Variants in MYO5C observed in about 807,000 individuals in gnomAD.
MYO5C encodes the protein myosin VC, also known as unconventional myosin-Vc.
Under a neutral mutation model 235.7 loss-of-function variants are expected in MYO5C, and 194 were observed. The ratio of observed to expected loss-of-function variants is 0.82; its 90% CI spans 0.73 to 0.93. MYO5C has a LOEUF of 0.93. Among genes scored for constraint, MYO5C ranks in the 40% least tolerant of loss-of-function variants. The pLI is 0.00. For missense variants in MYO5C, 2,038 were observed against 2,127.2 expected (o/e 0.96, Z 0.82); for synonymous variants, 707 against 754.8 (o/e 0.94, Z 1.04).
At chr15:52,230,866 C>T (rs1596166518) in intron 24 of MYO5C, among the ~76,000 whole-genome samples, 6 of 136,844 alleles carry the variant, frequency 4.4e-5, no homozygotes, top group Admixed American at 3.9e-4. Flanking sequence ...CTCACTCTGT[C>T]GCCCAGGCAG....
intron 36 of MYO5C, among the ~76,000 whole-genome samples, chr15:52,208,144 A>G (rs548857979): frequency 6.6e-6 from 1 of 152,322 alleles, no homozygotes; most frequent in Admixed American, 6.5e-5. Flanking sequence ...CTTTCATGAC[A>G]TCAGCCTCCT....
chr15:52,276,351 C>T (rs1034893581), intron 4 of MYO5C, among the ~76,000 whole-genome samples: 2 of 152,154 alleles, frequency 1.3e-5, no homozygotes, highest in African/African-American at 2.4e-5. Flanking sequence ...TCCAGGGGTC[C>T]TCTCCCAGTC....
rs1264616568 is a variant in MYO5C, at chr15:52,205,727, C to T, written c.4537+89G>A. On this transcript the variant is annotated intron_variant, in intron 37 of 40. Transcript: ENST00000261839. ...CCTTGGCTTTTTAAACAATGTTACA[C>T]ATAATCACACATTACACATACCAAG... The T allele has an allele frequency of 1.1e-5, 8 of 743,582 alleles. No individual in the cohort carries two copies. The South Asian group carries it at 2.4e-4, about 22-fold the overall frequency. The allele number at this position is 743,582 out of a possible 1,614,324, so 46.1% of individuals were successfully genotyped here.
chr15:52,285,152 G>A (rs1026432116), intron 1 of MYO5C, among the ~76,000 whole-genome samples: 1 of 152,210 alleles, frequency 6.6e-6, no homozygotes, highest in Non-Finnish European at 1.5e-5. Flanking sequence ...TGGATCACCT[G>A]AGGTCAGGAG....
intron 20 of MYO5C, among the ~76,000 whole-genome samples, chr15:52,240,564 GA>G (rs1234450008): frequency 2.9e-4 from 36 of 122,778 alleles, no homozygotes; most frequent in South Asian, 5.2e-4. Context: ...GAAGAAAAAA[GA>G]AAAAAAAAAA....
chr15:52,251,978 A>G (rs1454515973), intron 12 of MYO5C, among the ~76,000 whole-genome samples: 1 of 152,200 alleles, frequency 6.6e-6, no homozygotes, highest in East Asian at 1.9e-4. Context: ...AGAGGCTTTT[A>G]AAAAAGCAAC....
intron 10 of MYO5C, among the ~76,000 whole-genome samples, chr15:52,260,417 T>C (rs969921520): frequency 6.6e-6 from 1 of 152,204 alleles, no homozygotes; most frequent in African/African-American, 2.4e-5. Flanking sequence ...GGAAGGGACC[T>C]TGGGGCTCCA....
intron 5 of MYO5C, among the ~76,000 whole-genome samples, 158 bp downstream of exon 5, chr15:52,275,404 C>T (rs1257689139): frequency 6.6e-6 from 1 of 152,208 alleles, no homozygotes; most frequent in South Asian, 2.1e-4. Context: ...CCCCCATCTC[C>T]TTCAAATCCC....
At chr15:52,287,822 C>A (rs569773725) in intron 1 of MYO5C, among the ~76,000 whole-genome samples, 4 of 152,164 alleles carry the variant, frequency 2.6e-5, no homozygotes, top group African/African-American at 9.6e-5. Flanking sequence ...ACTAAAAATA[C>A]AAAAGTAGCT....
At chr15:52,242,615 A>C (rs2036253260) in intron 19 of MYO5C, 1 of 160,868 alleles carries the variant, frequency 6.2e-6, no homozygotes, top group African/African-American at 2.4e-5. Flanking sequence ...TCCTTTACAG[A>C]AAAAGTTTGC....
chr15:52,236,739 A>G (rs2141311450), intron 22 of MYO5C: 1 of 152,322 alleles, frequency 6.6e-6, no homozygotes, highest in East Asian at 1.9e-4. Flanking sequence ...TTCTTAGAAC[A>G]CACTAGCTCA....
chr15:52,281,201 T>C (rs1027946966), intron 2 of MYO5C, among the ~76,000 whole-genome samples: 1 of 152,122 alleles, frequency 6.6e-6, no homozygotes, highest in African/African-American at 2.4e-5. Flanking sequence ...GGACAGACAG[T>C]CTTTGGGGGA....
At chr15:52,280,091 G>C (rs1378492707) in intron 2 of MYO5C, among the ~76,000 whole-genome samples, 1 of 152,208 alleles carries the variant, frequency 6.6e-6, no homozygotes, top group Non-Finnish European at 1.5e-5. Flanking sequence ...GTTTTCATTT[G>C]AAAACAAGAT....
intron 2 of MYO5C, among the ~76,000 whole-genome samples, chr15:52,281,958 A>T (rs1443023550): frequency 6.6e-6 from 1 of 152,214 alleles, no homozygotes; most frequent in Non-Finnish European, 1.5e-5. Context: ...ACTTGATTCT[A>T]AACCCGTCCA....
chr15:52,254,360 A>G (rs943867054), intron 11 of MYO5C, among the ~76,000 whole-genome samples: 6 of 152,180 alleles, frequency 3.9e-5, no homozygotes, highest in Non-Finnish European at 7.4e-5. Flanking sequence ...AGAGGAGCGA[A>G]GAGGTCAGGA....
At chr15:52,286,605 C>T (rs1448226358) in intron 1 of MYO5C, among the ~76,000 whole-genome samples, 1 of 152,102 alleles carries the variant, frequency 6.6e-6, no homozygotes. Flanking sequence ...AAGAAAAATT[C>T]TTCTTCCTTG....
In MYO5C at chr15:52,295,604, T is replaced by G; in HGVS notation, c.27+6A>C. On this transcript the variant is annotated splice_donor_region_variant and intron_variant, in intron 1 of 40. Coordinates refer to ENST00000261839, the MANE Select transcript of MYO5C (RefSeq NM_018728.4). ...GCGCTCCCAGGAGCCCAGCGGACCC[T>G]CCTACCTGCGTGTACAGCTCGGCCA... 1 of 1,497,878 alleles carries G rather than the reference T, an allele frequency of 6.7e-7. No homozygotes were observed. Among genetic ancestry groups the G allele is most frequent in the Non-Finnish European group, 8.9e-7 (1 of 1,126,214 alleles). The allele number at this position is 1,497,878 out of a possible 1,614,324, so 92.8% of individuals were successfully genotyped here.
At chr15:52,236,126 A>G (rs1172501970) in intron 22 of MYO5C, among the ~76,000 whole-genome samples, 1 of 152,216 alleles carries the variant, frequency 6.6e-6, no homozygotes, top group Non-Finnish European at 1.5e-5. Flanking sequence ...TTGATGGCGT[A>G]AAGGGGATTC....
intron 12 of MYO5C, 59 bp downstream of exon 12, chr15:52,253,258 C>T: frequency 6.5e-7 from 1 of 1,536,422 alleles, no homozygotes; most frequent in East Asian, 2.3e-5. Context: ...AACTGCTTTG[C>T]AAAATGCTCA....
Sources: gnomAD v4.1 joint callset for allele counts (sites outside exome capture counted in the v4.1 genomes callset) on GRCh38, gnomAD v4.1.1 for gene constraint, MANE v1.5 for transcripts, NCBI Gene and HGNC (gene_info 2026-07-23, HGNC 2026-07-21) for gene names.